DENND5B: variants seen among roughly 807,000 people sequenced by gnomAD.
DENND5B encodes DENN domain containing 5B, also known as DENN domain-containing protein 5B.
Under a neutral mutation model 140.6 loss-of-function variants are expected in DENND5B, and 34 were observed. That is an observed-to-expected ratio of 0.24 (90% CI 0.18 to 0.32). The LOEUF is 0.32. Among genes scored for constraint, DENND5B ranks in the 10% least tolerant of loss-of-function variants. The pLI is 1.00. For synonymous variants in DENND5B, 551 were observed against 562.1 expected (o/e 0.98, Z 0.28); for missense variants, 1,142 against 1,560.2 (o/e 0.73, Z 4.52).
intron 8 of DENND5B, 103 bp downstream of exon 8, chr12:31,433,052 T>C: frequency 4.0e-6 from 4 of 1,002,752 alleles, no homozygotes; most frequent in Non-Finnish European, 6.0e-6. Context: ...AACAGTTTTT[T>C]TTTTAAAGAA....
intron 1 of DENND5B, among the ~76,000 whole-genome samples, chr12:31,521,726 A>T (rs1467171756): frequency 6.6e-6 from 1 of 152,138 alleles, no homozygotes; most frequent in Non-Finnish European, 1.5e-5. Flanking sequence ...TCCCCTAGCC[A>T]TTTAAGTAAC....
intron 1 of DENND5B, among the ~76,000 whole-genome samples, chr12:31,497,401 G>C (rs984695660): frequency 6.6e-6 from 1 of 152,066 alleles, no homozygotes; most frequent in Non-Finnish European, 1.5e-5. Context: ...TTCTAGAAGA[G>C]AAATTGTCAG....
At chr12:31,463,437 T>C (rs968932056) in intron 3 of DENND5B, among the ~76,000 whole-genome samples, 1 of 152,214 alleles carries the variant, frequency 6.6e-6, no homozygotes, top group African/African-American at 2.4e-5. Flanking sequence ...TATATTCTTG[T>C]AACCTCAGTA....
Position 31,551,925 on chromosome 12 carries a change from A to ACTTTGCTGAAGTTG in DENND5B, c.127+38767_127+38780dup, listed in dbSNP as rs544795591. On this transcript the variant is annotated intron_variant, in intron 1 of 20. Coordinates refer to ENST00000389082, the MANE Select transcript of DENND5B (RefSeq NM_144973.4). ...TTGCACATCGATTTTGTATCCTGAG[A>ACTTTGCTGAAGTTG]CTTTGCTGAAGTTGCTTATCAGCTT... Among the ~76,000 whole-genome samples the ACTTTGCTGAAGTTG allele has an allele frequency of 1.1e-3, 160 of 152,332 alleles. 1 individual carries two copies. In the East Asian group the frequency reaches 0.02, roughly 19 times the overall value.
intron 1 of DENND5B, among the ~76,000 whole-genome samples, chr12:31,533,472 G>C (rs947982605): frequency 4.6e-5 from 7 of 152,118 alleles, no homozygotes; most frequent in African/African-American, 1.7e-4. Flanking sequence ...CCACTGTGTG[G>C]TTTCAGCCTC....
At chr12:31,588,682 G>A (rs540732514) in intron 1 of DENND5B, among the ~76,000 whole-genome samples, 12 of 152,232 alleles carry the variant, frequency 7.9e-5, no homozygotes, top group African/African-American at 2.9e-4. Flanking sequence ...ATTTTGGTGT[G>A]GGGGACACTC....
intron 17 of DENND5B, among the ~76,000 whole-genome samples, 199 bp from the exon 18 acceptor site, chr12:31,392,895 T>G (rs1239457648): frequency 6.6e-6 from 1 of 152,160 alleles, no homozygotes; most frequent in African/African-American, 2.4e-5. Context: ...ATCCAAGCGA[T>G]CCCTAGATTC....
intron 3 of DENND5B, among the ~76,000 whole-genome samples, chr12:31,461,483 T>G (rs915179195): frequency 6.6e-6 from 1 of 152,224 alleles, no homozygotes; most frequent in Non-Finnish European, 1.5e-5. Flanking sequence ...TACTTACATA[T>G]GTCCACAAGT....
intron 1 of DENND5B, among the ~76,000 whole-genome samples, chr12:31,553,674 C>G (rs1017506522): frequency 3.0e-4 from 45 of 152,124 alleles, no homozygotes; most frequent in Non-Finnish European, 5.1e-4. Context: ...GTTAAAGTCT[C>G]CCATTATTAT....
intron 2 of DENND5B, among the ~76,000 whole-genome samples, chr12:31,488,394 T>C (rs566969697): frequency 3.9e-5 from 6 of 152,334 alleles, no homozygotes; most frequent in African/African-American, 1.4e-4. Flanking sequence ...CACAAAATCA[T>C]AGCTCAACTG....
intron 1 of DENND5B, among the ~76,000 whole-genome samples, chr12:31,546,495 T>C (rs2139206204): frequency 6.6e-6 from 1 of 152,256 alleles, no homozygotes; most frequent in Non-Finnish European, 1.5e-5. Context: ...GAGACCAGCC[T>C]GACCAACATG....
intron 1 of DENND5B, among the ~76,000 whole-genome samples, chr12:31,511,076 T>A (rs557272552): frequency 5.3e-5 from 8 of 151,980 alleles, no homozygotes; most frequent in East Asian, 3.9e-4. Context: ...TGCAAAAAAA[T>A]TTTTTTTAAA....
At chr12:31,519,685 C>T (rs982009922) in intron 1 of DENND5B, among the ~76,000 whole-genome samples, 1 of 152,138 alleles carries the variant, frequency 6.6e-6, no homozygotes, top group Non-Finnish European at 1.5e-5. Context: ...AGTTCTTGAA[C>T]ATATGGTTGC....
intron 8 of DENND5B, among the ~76,000 whole-genome samples, chr12:31,431,576 T>C (rs1194341932): frequency 6.6e-6 from 1 of 152,190 alleles, no homozygotes; most frequent in African/African-American, 2.4e-5. Context: ...ACTGAGATTC[T>C]ATGTTGATGA....
intron 7 of DENND5B, among the ~76,000 whole-genome samples, chr12:31,437,654 A>G (rs962900069): frequency 6.6e-6 from 1 of 152,194 alleles, no homozygotes; most frequent in African/African-American, 2.4e-5. Context: ...CTTTGAGTTA[A>G]TTGCAGATCG....
chr12:31,480,737 T>G (rs1004475750), intron 2 of DENND5B, among the ~76,000 whole-genome samples: 1 of 152,152 alleles, frequency 6.6e-6, no homozygotes, highest in East Asian at 1.9e-4. Flanking sequence ...ATTTAGGAAG[T>G]GGAAAAAAGT....
At chr12:31,412,508 C>T (rs1019231177) in intron 13 of DENND5B, among the ~76,000 whole-genome samples, 2 of 152,158 alleles carry the variant, frequency 1.3e-5, no homozygotes, top group South Asian at 2.1e-4. Flanking sequence ...CCCTCACATG[C>T]GCAGTTCACA....
rs148412227 is a variant in DENND5B, at chr12:31,563,534, AG to A, written c.127+27171del. Among the ~76,000 whole-genome samples, 1,521 of 152,334 alleles carry A rather than the reference AG, an allele frequency of 1.0e-2. 16 individuals are homozygous for A. Among genetic ancestry groups the A allele is most frequent in the Middle Eastern group, 0.024 (7 of 294 alleles). On this transcript the variant is annotated intron_variant, in intron 1 of 20. Coordinates refer to ENST00000389082, the MANE Select transcript of DENND5B (RefSeq NM_144973.4). The stretch of plus-strand genomic sequence containing the variant: ...CCTAAAACAGAAGCAGGAACACCTA[AG>A]TGAACTCAAGTTACTATTCAGTGCA...
At chr12:31,416,454 G>A (rs1050899855) in intron 11 of DENND5B, among the ~76,000 whole-genome samples, 4 of 151,646 alleles carry the variant, frequency 2.6e-5, no homozygotes, top group South Asian at 2.1e-4. Context: ...TAGTAGAGAC[G>A]GGGTTTCACC....
Sources: allele counts gnomAD v4.1 joint callset (sites outside exome capture counted in the v4.1 genomes callset), GRCh38; gene constraint gnomAD v4.1.1; transcripts MANE v1.5; gene names NCBI Gene and HGNC (gene_info 2026-07-23, HGNC 2026-07-21).